Variants in NT5E observed in about 807,000 individuals in gnomAD.
NT5E encodes the protein 5'-nucleotidase.
A neutral mutation model predicts 55.1 loss-of-function variants in NT5E; 53 were observed. The observed-to-expected ratio is 0.96, with a 90% confidence interval of 0.77 to 1.21. The LOEUF (loss-of-function observed/expected upper bound fraction) is 1.21. Among genes scored for constraint, NT5E ranks in the 50% most tolerant of loss-of-function variants. The pLI is 0.00. For missense variants in NT5E, 683 were observed against 724.3 expected, an observed-to-expected ratio of 0.94 and a Z score of 0.65; for synonymous variants, 270 against 278.4, an observed-to-expected ratio of 0.97 and a Z score of 0.30.
intron 1 of NT5E, among the ~76,000 whole-genome samples, chr6:85,466,429 C>T (rs573706786): frequency 7.2e-5 from 11 of 152,216 alleles, no homozygotes; most frequent in African/African-American, 2.2e-4. Context: ...CAAAGGGTGC[C>T]CAGAGCTGAC....
intron 8 of NT5E, among the ~76,000 whole-genome samples, 167 bp from the exon 9 acceptor site, chr6:85,493,674 A>G (rs1394864182): frequency 6.6e-6 from 1 of 152,178 alleles, no homozygotes; most frequent in African/African-American, 2.4e-5. Flanking sequence ...CTGGAGCATG[A>G]AAAAGCAATC....
intron 1 of NT5E, among the ~76,000 whole-genome samples, chr6:85,464,833 T>C (rs1364281297): frequency 6.6e-6 from 1 of 152,038 alleles, no homozygotes; most frequent in Non-Finnish European, 1.5e-5. Flanking sequence ...GAGGACGTGA[T>C]GGTGAGGGAG....
rs555031118 is a variant in NT5E at position 85,483,231 on chromosome 6, C to T, written c.752-2004C>T. Among the ~76,000 whole-genome samples, 169 of 152,336 alleles carry T rather than the reference C, an allele frequency of 1.1e-3. 1 individual carries two copies. The highest frequency in any genetic ancestry group is 3.8e-3 in the African/African-American group (156 of 41,584). ...GAAACTGACAGACTCCTGATATCTG[C>T]AACTAGTGCTTTCTCTCCCTGGGCG... On this transcript the variant is annotated intron_variant, in intron 3 of 8. Coordinates refer to ENST00000257770, the MANE Select transcript of NT5E (RefSeq NM_002526.4).
chr6:85,494,449 A>G lies in NT5E; in HGVS notation c.*445A>G, dbSNP rs1008366669. On this transcript the variant is annotated 3_prime_UTR_variant, in exon 9 of 9. Coordinates refer to ENST00000257770, the MANE Select transcript of NT5E (RefSeq NM_002526.4). Reference sequence around the variant, plus strand: ...TTTTTCCCACCTGTCAGATGAAAAAACTGAAGCTCAAAAAGGGTTGACTTG... The same window carrying G: ...TTTTTCCCACCTGTCAGATGAAAAAGCTGAAGCTCAAAAAGGGTTGACTTG... 5.3e-6 allele frequency: 1 copy of G among 188,618 alleles called. No individual in the cohort carries two copies. The highest frequency in any genetic ancestry group is 1.1e-5 in the Non-Finnish European group (1 of 90,072). 11.7% of individuals were successfully genotyped at this position (188,618 alleles called of 1,614,324 possible).
At chr6:85,487,627 T>A in intron 5 of NT5E, 138 bp downstream of exon 5, 2 of 1,188,346 alleles carry the variant, frequency 1.7e-6, no homozygotes, top group Non-Finnish European at 2.5e-6. Context: ...GGTGGTGGCA[T>A]GTGCCTATAG....
In NT5E at chr6:85,450,903, C is replaced by A. The variant is rs1768841885; in HGVS notation, c.339+425C>A. Reference sequence around the variant, plus strand: ...AATCTTATTGAAAGGGAAACCGCGTCGAAGAAGCTGAATAAATTAACAGGC... The same window carrying A: ...AATCTTATTGAAAGGGAAACCGCGTAGAAGAAGCTGAATAAATTAACAGGC... On this transcript the variant is annotated intron_variant, in intron 1 of 8. Coordinates refer to ENST00000257770, the MANE Select transcript of NT5E (RefSeq NM_002526.4). The surrounding 1 kb of genome is among the most constrained non-coding windows in gnomAD (Gnocchi z 4.0). Among the ~76,000 whole-genome samples the A allele has an allele frequency of 6.6e-6, 1 of 152,140 alleles. No individual in the cohort carries two copies. The highest frequency in any genetic ancestry group is 2.4e-5 in the African/African-American group (1 of 41,424).
chr6:85,470,401 C>G (rs532334625), intron 2 of NT5E, among the ~76,000 whole-genome samples: 1 of 152,312 alleles, frequency 6.6e-6, no homozygotes, highest in Admixed American at 6.5e-5. Context: ...AGATGAGGCC[C>G]TCATGATTAA....
At chr6:85,453,055 A>C (rs1490628187) in intron 1 of NT5E, among the ~76,000 whole-genome samples, 1 of 152,158 alleles carries the variant, frequency 6.6e-6, no homozygotes. Flanking sequence ...CTACTGGAGT[A>C]ATCCTGATTG....
chr6:85,464,067 ATTTTTTT>A (rs67527174), intron 1 of NT5E, among the ~76,000 whole-genome samples: 3 of 98,454 alleles, frequency 3.0e-5, no homozygotes, highest in East Asian at 3.3e-4. Flanking sequence ...GTAGTTAGGA[ATTTTTTT>A]TTTTTTTTTT....
chr6:85,489,444 T>C (rs752505194), intron 5 of NT5E, 50 bp from the exon 6 acceptor site: 1 of 1,341,146 alleles, frequency 7.5e-7, no homozygotes, highest in Non-Finnish European at 1.1e-6. Context: ...GAGCTGATCC[T>C]AAGGAAGAAG....
At chr6:85,485,716 C>T (rs1272843063) in intron 4 of NT5E, among the ~76,000 whole-genome samples, 1 of 152,184 alleles carries the variant, frequency 6.6e-6, no homozygotes, top group East Asian at 1.9e-4. Context: ...CCACTCTCAG[C>T]TTGTGTTTAC....
chr6:85,476,335 G>T (rs1321089283), intron 3 of NT5E, among the ~76,000 whole-genome samples: 1 of 152,206 alleles, frequency 6.6e-6, no homozygotes, highest in Admixed American at 6.5e-5. Flanking sequence ...CTCATGAAGG[G>T]GTTGTCTTGT....
At chr6:85,462,469 G>A (rs948963499) in intron 1 of NT5E, among the ~76,000 whole-genome samples, 1 of 152,112 alleles carries the variant, frequency 6.6e-6, no homozygotes, top group Non-Finnish European at 1.5e-5. Flanking sequence ...TTATGACACA[G>A]TTCAAGGTGT....
At chr6:85,469,548 G>T (rs1769263113) in intron 2 of NT5E, among the ~76,000 whole-genome samples, 1 of 152,196 alleles carries the variant, frequency 6.6e-6, no homozygotes, top group African/African-American at 2.4e-5. Flanking sequence ...GTGCAGCAGG[G>T]GGGAAGGTAT....
intron 4 of NT5E, among the ~76,000 whole-genome samples, chr6:85,486,175 A>C (rs985092536): frequency 6.6e-6 from 1 of 152,180 alleles, no homozygotes; most frequent in African/African-American, 2.4e-5. Context: ...TTGTATGTAG[A>C]AGTACAGTAC....
At chr6:85,493,690 C>A (rs1437141453) in intron 8 of NT5E, 151 bp from the exon 9 acceptor site, 10 of 656,326 alleles carry the variant, frequency 1.5e-5, no homozygotes, top group Admixed American at 2.9e-5. Context: ...CAATCAAATT[C>A]TTTGTACTTA....
chr6:85,450,432 G>A lies in NT5E; in HGVS notation c.293G>A (p.Gly98Asp). 2 of 1,602,990 alleles carry A rather than the reference G, an allele frequency of 1.2e-6. No individual in the cohort carries two copies. Among genetic ancestry groups the A allele is most frequent in the South Asian group, 2.3e-5 (2 of 88,506 alleles). The change falls in exon 1 of 9, where the codon GGC (glycine) becomes GAC (aspartate). Residue 98 changes from glycine to aspartate, a missense_variant. By Grantham distance (94) the Gly-to-Asp change is moderately conservative (BLOSUM62 -1). Coordinates refer to ENST00000257770, the MANE Select transcript of NT5E (RefSeq NM_002526.4). The surrounding 1 kb of genome is among the most constrained non-coding windows in gnomAD (Gnocchi z 4.0). Reference protein sequence around the residue: ...QGTIWFTVYKGAEVAHFMNAL... With the variant: ...QGTIWFTVYKDAEVAHFMNAL... Reference sequence around the variant, plus strand: ...ACTATCTGGTTCACCGTGTACAAGGGCGCCGAGGTGGCGCACTTCATGAAC... The same window carrying A: ...ACTATCTGGTTCACCGTGTACAAGGACGCCGAGGTGGCGCACTTCATGAAC...
intron 1 of NT5E, among the ~76,000 whole-genome samples, chr6:85,463,937 A>C (rs1769140825): frequency 6.6e-6 from 1 of 152,240 alleles, no homozygotes; most frequent in Non-Finnish European, 1.5e-5. Context: ...TATGTATAGA[A>C]GAAAGAAACT....
At chr6:85,462,911 C>G (rs1314759864) in intron 1 of NT5E, among the ~76,000 whole-genome samples, 1 of 152,192 alleles carries the variant, frequency 6.6e-6, no homozygotes, top group Non-Finnish European at 1.5e-5. Flanking sequence ...GGACAATTGC[C>G]CAGGTTTTCT....
Sources: gnomAD v4.1 joint callset for allele counts (sites outside exome capture counted in the v4.1 genomes callset) on GRCh38, gnomAD v4.1.1 for gene constraint, Gnocchi (gnomAD v3.1) non-coding constraint, MANE v1.5 for transcripts, NCBI Gene and HGNC (gene_info 2026-07-23, HGNC 2026-07-21) for gene names.